The following ZMYM1 variants were observed in gnomAD, a reference collection of about 807,000 sequenced individuals.
The protein encoded by ZMYM1 is zinc finger MYM-type containing 1.
ZMYM1 carries 39 observed loss-of-function variants against 60.0 expected under a neutral mutation model. That is an observed-to-expected ratio of 0.65 (90% CI 0.50 to 0.85). The LOEUF is 0.85. ZMYM1 is among the 40% of genes least tolerant of loss of function. The pLI is 0.00. For missense variants in ZMYM1, 1,171 were observed against 1,309.5 expected, an observed-to-expected ratio of 0.89 and a Z score of 1.63; for synonymous variants, 413 against 454.0, an observed-to-expected ratio of 0.91 and a Z score of 1.15.
chr1:35,116,368 T>C (rs1272332578), downstream of ZMYM1, among the ~76,000 whole-genome samples: 1 of 152,248 alleles, frequency 6.6e-6, no homozygotes, highest in Non-Finnish European at 1.5e-5. Flanking sequence ...CTCAGCTGGA[T>C]GGCACAATAA....
At chr1:35,075,037 T>C (rs534742275), upstream of ZMYM1, among the ~76,000 whole-genome samples, 5 of 152,138 alleles carry the variant, frequency 3.3e-5, no homozygotes, top group South Asian at 1.0e-3. Context: ...ATTTTTTGTA[T>C]TTTTAGTAGA....
downstream of ZMYM1, among the ~76,000 whole-genome samples, chr1:35,118,241 CAAAAAAAAA>C (rs11364403): frequency 4.0e-5 from 4 of 100,156 alleles, no homozygotes; most frequent in East Asian, 3.2e-4. Flanking sequence ...AACTCCGTCT[CAAAAAAAAA>C]AAAAAAAAAG....
chr1:35,065,759 G>T (rs370520485), intron 1 of ZMYM1, among the ~76,000 whole-genome samples: 1 of 151,932 alleles, frequency 6.6e-6, no homozygotes, highest in East Asian at 1.9e-4. Context: ...CCAAAACTTG[G>T]CTCTTTGGAA....
At chr1:35,096,099 G>T (rs1809853) in intron 3 of ZMYM1, among the ~76,000 whole-genome samples, 1 of 152,006 alleles carries the variant, frequency 6.6e-6, no homozygotes, top group African/African-American at 2.4e-5. Context: ...CGGATCATGA[G>T]GTCAGGAATT....
chr1:35,103,747 G>C (rs927064126), intron 4 of ZMYM1, among the ~76,000 whole-genome samples: 2 of 152,058 alleles, frequency 1.3e-5, no homozygotes, highest in African/African-American at 2.4e-5. Flanking sequence ...ACATCAACAC[G>C]GTGAAAAAGC....
chr1:35,068,123 C>T (rs1450391656), intron 1 of ZMYM1, among the ~76,000 whole-genome samples: 1 of 151,278 alleles, frequency 6.6e-6, no homozygotes, highest in Non-Finnish European at 1.5e-5. Context: ...CTACTGTAAT[C>T]AAGAAATTGT....
At chr1:35,067,496 G>A (rs918601559) in intron 1 of ZMYM1, among the ~76,000 whole-genome samples, 7 of 151,824 alleles carry the variant, frequency 4.6e-5, no homozygotes, top group Admixed American at 1.3e-4. Context: ...GGCAGTGGGG[G>A]TGAGGGATAA....
intron 4 of ZMYM1, among the ~76,000 whole-genome samples, chr1:35,100,419 C>T (rs565477014): frequency 9.2e-5 from 14 of 151,780 alleles, no homozygotes; most frequent in African/African-American, 3.4e-4. Flanking sequence ...GTCAGGAGTT[C>T]GAGACCAGTC....
At chr1:35,101,684 C>T (rs1161013272) in intron 4 of ZMYM1, among the ~76,000 whole-genome samples, 1 of 151,608 alleles carries the variant, frequency 6.6e-6, no homozygotes, top group Non-Finnish European at 1.5e-5. Context: ...TTTACAGTGT[C>T]GTGTTCATAA....
At chr1:35,064,292 C>CAAA (rs371084383) in intron 1 of ZMYM1, among the ~76,000 whole-genome samples, 121 of 54,316 alleles carry the variant, frequency 2.2e-3, no homozygotes, top group African/African-American at 6.3e-3. Context: ...GATCCTGTCT[C>CAAA]AAAAAAAAAA....
chr1:35,107,481 A>C (rs943027483), intron 6 of ZMYM1, among the ~76,000 whole-genome samples: 11 of 151,608 alleles, frequency 7.3e-5, no homozygotes, highest in Non-Finnish European at 1.5e-4. Flanking sequence ...AAAAAAAAAA[A>C]AAAACCTGTA....
chr1:35,065,244 T>A (rs549210718), intron 1 of ZMYM1, among the ~76,000 whole-genome samples: 24 of 151,584 alleles, frequency 1.6e-4, no homozygotes, highest in African/African-American at 5.3e-4. Flanking sequence ...TGCCTGAAGA[T>A]GAGGAGGATG....
chr1:35,097,216 C>A, intron 3 of ZMYM1, 101 bp from the exon 4 acceptor site: 3 of 1,366,646 alleles, frequency 2.2e-6, no homozygotes, highest in Non-Finnish European at 3.0e-6. Context: ...GGCAACAGAA[C>A]AAGACCCTGT....
rs1206091307 is a variant in ZMYM1 at position 35,113,499 on chromosome 1, A to T, written c.1669A>T (p.Ile557Leu). The change falls in exon 10 of 10, where the codon ATA becomes TTA. Residue 557 changes from isoleucine to leucine, a missense_variant. Ile to Leu is a conservative substitution (Grantham distance 5). Coordinates refer to ENST00000359858, the MANE Select transcript of ZMYM1 (RefSeq NM_024772.5). Reference sequence around the variant, plus strand: ...GGGAAATAAAAAGTACCTAAAGCTTATAATTGAAAATATTTTATTTCTTGG... The same window carrying T: ...GGGAAATAAAAAGTACCTAAAGCTTTTAATTGAAAATATTTTATTTCTTGG... The part of the protein sequence containing the change: ...IEGNKKYLKL[I>L]IENILFLGKQ... The T allele has an allele frequency of 6.2e-7, 1 of 1,609,720 alleles. No individual in the cohort carries two copies. Among genetic ancestry groups the T allele is most frequent in the African/African-American group, 1.3e-5 (1 of 74,596 alleles).
At chr1:35,076,775 A>G (rs988828497), upstream of ZMYM1, among the ~76,000 whole-genome samples, 2 of 152,004 alleles carry the variant, frequency 1.3e-5, no homozygotes, top group Non-Finnish European at 2.9e-5. Flanking sequence ...TCTACTAAAA[A>G]TACAAAATTA....
rs189287112 is a variant in ZMYM1, at chr1:35,114,729, A to G, written c.2899A>G (p.Ile967Val). The change falls in exon 10 of 10, where the codon ATC (isoleucine) becomes GTC (valine). Residue 967 changes from isoleucine to valine, a missense_variant. Coordinates refer to ENST00000359858, the MANE Select transcript of ZMYM1 (RefSeq NM_024772.5). ...TSTEEQYKIN[I>V]YYQGLDTILQ... ...AACAGAAGAACAATATAAAATTAAT[A>G]TCTATTACCAAGGATTAGATACTAT... 14 of 1,573,664 alleles carry G rather than the reference A, an allele frequency of 8.9e-6. No individual in the cohort carries two copies. In the South Asian group the frequency reaches 1.3e-4, roughly 15 times the overall value.
intron 6 of ZMYM1, among the ~76,000 whole-genome samples, chr1:35,108,498 C>T (rs975306729): frequency 4.0e-5 from 6 of 151,752 alleles, no homozygotes; most frequent in East Asian, 2.0e-4. Context: ...GTTACTTGGG[C>T]GCACACCACC....
chr1:35,108,612 C>G (rs1302013545), intron 6 of ZMYM1, among the ~76,000 whole-genome samples: 3 of 151,982 alleles, frequency 2.0e-5, no homozygotes, highest in Admixed American at 6.6e-5. Flanking sequence ...CTCGGCCTGC[C>G]AAAGTGCTGG....
At chr1:35,089,217 C>T (rs1642852498) in intron 1 of ZMYM1, among the ~76,000 whole-genome samples, 1 of 152,190 alleles carries the variant, frequency 6.6e-6, no homozygotes, top group African/African-American at 2.4e-5. Context: ...AATAATTGTA[C>T]CTCACGTAAA....
Sources: allele counts gnomAD v4.1 joint callset (sites outside exome capture counted in the v4.1 genomes callset), GRCh38; gene constraint gnomAD v4.1.1; transcripts MANE v1.5; gene names NCBI Gene and HGNC (gene_info 2026-07-23, HGNC 2026-07-21).